The following GPC6 variants were observed in gnomAD, a reference collection of about 807,000 sequenced individuals.
The protein encoded by GPC6 is glypican-6.
A neutral mutation model predicts 55.2 loss-of-function variants in GPC6; 14 were observed. That is an observed-to-expected ratio of 0.25 (90% CI 0.17 to 0.40). GPC6 has a LOEUF of 0.40. Ranked by LOEUF, GPC6 falls within the 10% of genes least tolerant of loss-of-function variation. The probability of loss-of-function intolerance (pLI) is 1.00; values close to 1 mark genes in which losing one functional copy is unlikely to be tolerated. For synonymous variants in GPC6, 278 were observed against 259.6 expected, an observed-to-expected ratio of 1.07 and a Z score of -0.68; for missense variants, 641 against 708.5, an observed-to-expected ratio of 0.90 and a Z score of 1.08.
intron 6 of GPC6, among the ~76,000 whole-genome samples, chr13:94,325,203 A>T (rs1021874472): frequency 6.6e-6 from 1 of 152,030 alleles, no homozygotes; most frequent in African/African-American, 2.4e-5. Context: ...AAGAAGAAAG[A>T]TATGTTCCTT....
chr13:93,999,138 G>A (rs1881686757), intron 3 of GPC6, among the ~76,000 whole-genome samples: 2 of 152,028 alleles, frequency 1.3e-5, no homozygotes, highest in Non-Finnish European at 2.9e-5. Context: ...CATCAACCCC[G>A]TCACCTACAT....
At chr13:93,279,188 GAC>G (rs1877863610) in intron 1 of GPC6, among the ~76,000 whole-genome samples, 1 of 152,188 alleles carries the variant, frequency 6.6e-6, no homozygotes, top group Non-Finnish European at 1.5e-5. Flanking sequence ...GGAAGCTTCT[GAC>G]ACAGATTGCC....
intron 2 of GPC6, among the ~76,000 whole-genome samples, chr13:93,694,836 A>G (rs1882392908): frequency 6.6e-6 from 1 of 152,116 alleles, no homozygotes; most frequent in African/African-American, 2.4e-5. Flanking sequence ...CAGCCTCAAC[A>G]ACATTCACCT....
At chr13:93,551,295 T>C (rs1024628915) in intron 2 of GPC6, among the ~76,000 whole-genome samples, 2 of 101,830 alleles carry the variant, frequency 2.0e-5, no homozygotes, top group African/African-American at 7.7e-5. Flanking sequence ...ACCAGCCCTT[T>C]ACTGTTTTCT....
chr13:94,037,622 G>T (rs1394675036), intron 4 of GPC6, among the ~76,000 whole-genome samples: 1 of 151,908 alleles, frequency 6.6e-6, no homozygotes, highest in Non-Finnish European at 1.5e-5. Context: ...CCATTTTGCA[G>T]ATGGGAAAAC....
chr13:93,814,831 T>A (rs1007466687), intron 2 of GPC6, among the ~76,000 whole-genome samples: 3 of 152,194 alleles, frequency 2.0e-5, no homozygotes, highest in Non-Finnish European at 2.9e-5. Flanking sequence ...CTGCTCTTGA[T>A]GATAACTGAA....
At chr13:93,223,675 C>A (rs1875679329), upstream of GPC6, among the ~76,000 whole-genome samples, 1 of 152,082 alleles carries the variant, frequency 6.6e-6, no homozygotes, top group Admixed American at 6.5e-5. Context: ...AACTCCGAAG[C>A]TCAGGCAAGC....
intron 4 of GPC6, among the ~76,000 whole-genome samples, chr13:94,157,211 G>A (rs1887982417): frequency 6.6e-6 from 1 of 152,136 alleles, no homozygotes; most frequent in African/African-American, 2.4e-5. Context: ...AAAAGGGAAT[G>A]TGTCCCTTCT....
chr13:93,465,325 ATC>A (rs1878865350), intron 1 of GPC6, among the ~76,000 whole-genome samples: 1 of 152,198 alleles, frequency 6.6e-6, no homozygotes, highest in South Asian at 2.1e-4. Context: ...CCTACATGGC[ATC>A]TTATTCCACT....
intron 1 of GPC6, among the ~76,000 whole-genome samples, chr13:93,318,783 G>C (rs1879330348): frequency 6.6e-6 from 1 of 152,098 alleles, no homozygotes; most frequent in Non-Finnish European, 1.5e-5. Flanking sequence ...GTGAAATACG[G>C]GGCTGAAACA....
chr13:94,156,209 A>AAGT (rs1160913726), intron 4 of GPC6, among the ~76,000 whole-genome samples: 1 of 152,184 alleles, frequency 6.6e-6, no homozygotes, highest in Non-Finnish European at 1.5e-5. Context: ...GAAACCTGGC[A>AAGT]AGTCCTAGCA....
intron 4 of GPC6, among the ~76,000 whole-genome samples, chr13:94,193,062 CGT>C (rs66612458): frequency 0.067 from 9,898 of 148,532 alleles, 624 homozygotes; most frequent in African/African-American, 0.17. Flanking sequence ...TGAGACTCCT[CGT>C]GTGTGTGTGT....
At chr13:94,400,888 C>G (rs1881101264) in intron 8 of GPC6, among the ~76,000 whole-genome samples, 1 of 152,208 alleles carries the variant, frequency 6.6e-6, no homozygotes, top group Non-Finnish European at 1.5e-5. Flanking sequence ...GATGTTATTA[C>G]TCTCATTTTT....
chr13:94,317,236 G>T (rs555413030), intron 6 of GPC6, among the ~76,000 whole-genome samples: 1 of 152,318 alleles, frequency 6.6e-6, no homozygotes, highest in Non-Finnish European at 1.5e-5. Flanking sequence ...TATGCATGAT[G>T]AGGCAGGAAA....
chr13:93,236,324 C>G (rs999616743), intron 1 of GPC6, among the ~76,000 whole-genome samples: 2 of 152,060 alleles, frequency 1.3e-5, no homozygotes, highest in South Asian at 2.1e-4. Flanking sequence ...TTTAGCGTAC[C>G]TGTCACCCAA....
intron 2 of GPC6, among the ~76,000 whole-genome samples, chr13:93,808,125 A>C (rs1047843262): frequency 6.6e-6 from 1 of 152,214 alleles, no homozygotes; most frequent in African/African-American, 2.4e-5. Flanking sequence ...ATAAAACCTC[A>C]GTTCTAAATG....
chr13:93,778,711 C>T lies in GPC6; in HGVS notation c.320-51443C>T, dbSNP rs538772793. 3.3e-5 allele frequency among the ~76,000 whole-genome samples: 5 copies of T among 152,302 alleles called. No homozygotes were observed. The South Asian group carries it at 1.0e-3, about 32-fold the overall frequency. ...TAATCCATTTAGCTAACTCTCCACC[C>T]TATCTCACCTCTCAGCCCTACCCAG... On this transcript the variant is annotated intron_variant, in intron 2 of 8. Transcript: ENST00000377047.
intron 4 of GPC6, among the ~76,000 whole-genome samples, chr13:94,169,796 C>T (rs1455569064): frequency 6.6e-6 from 1 of 152,102 alleles, no homozygotes; most frequent in African/African-American, 2.4e-5. Flanking sequence ...ACAGAGAGAA[C>T]ACGTGGCTGC....
At chr13:93,931,987 A>G (rs558997407) in intron 3 of GPC6, among the ~76,000 whole-genome samples, 3 of 152,314 alleles carry the variant, frequency 2.0e-5, no homozygotes, top group Non-Finnish European at 4.4e-5. Flanking sequence ...TCCAACTCCA[A>G]AGCCTTAATC....
Sources: gnomAD v4.1 joint callset for allele counts (sites outside exome capture counted in the v4.1 genomes callset) on GRCh38, gnomAD v4.1.1 for gene constraint, MANE v1.5 for transcripts, NCBI Gene and HGNC (gene_info 2026-07-23, HGNC 2026-07-21) for gene names.